MRTFB: variants seen among roughly 807,000 people sequenced by gnomAD.
MRTFB encodes myocardin related transcription factor B, also known as myocardin-related transcription factor B.
In MRTFB, 29 loss-of-function variants were observed where a neutral mutation model predicts 104.2. The observed-to-expected ratio is 0.28, with a 90% CI of 0.21 to 0.38. The LOEUF (loss-of-function observed/expected upper bound fraction) is 0.38. MRTFB is among the 10% of genes least tolerant of loss of function. MRTFB has a pLI of 1.00. For synonymous variants in MRTFB, 535 were observed against 519.5 expected (o/e 1.03, Z -0.41); for missense variants, 1,270 against 1,341.6 (o/e 0.95, Z 0.83).
chr16:14,214,536 A>G (rs528813616), intron 6 of MRTFB, among the ~76,000 whole-genome samples: 23 of 152,206 alleles, frequency 1.5e-4, no homozygotes, highest in Non-Finnish European at 2.8e-4. Context: ...CAGAAATGAA[A>G]TCTTCAGGAG....
At chr16:14,027,613 T>C in the MRTFB span, among the ~76,000 whole-genome samples, 62,555 of 152,042 alleles carry the variant, frequency 0.41, 13,692 homozygotes, top group Admixed American at 0.51. Flanking sequence ...TTTTGAAAAG[T>C]GACTGTGATT....
intron 2 of MRTFB, among the ~76,000 whole-genome samples, chr16:14,127,929 A>ATTTTTTTTT (rs67001306): frequency 1.3e-4 from 6 of 44,636 alleles, no homozygotes; most frequent in Admixed American, 3.2e-4. Flanking sequence ...ATATATATAT[A>ATTTTTTTTT]TTTTTTTTTT....
intron 3 of MRTFB, among the ~76,000 whole-genome samples, chr16:14,197,264 G>T (rs1038419452): frequency 6.6e-6 from 1 of 152,092 alleles, no homozygotes; most frequent in African/African-American, 2.4e-5. Context: ...GTGAGCCATC[G>T]TGCCTGGCCA....
chr16:14,068,875 T>C (rs1005218309), upstream of MRTFB, among the ~76,000 whole-genome samples: 12 of 151,174 alleles, frequency 7.9e-5, no homozygotes, highest in Admixed American at 6.6e-5. Context: ...GATAGAACAG[T>C]AGAAGAAAGA....
At chr16:14,002,190 C>T in the MRTFB span, among the ~76,000 whole-genome samples, 1 of 152,230 alleles carries the variant, frequency 6.6e-6, no homozygotes, top group African/African-American at 2.4e-5. Context: ...CAAGACCAGC[C>T]TGGCCAACAT....
intron 8 of MRTFB, among the ~76,000 whole-genome samples, chr16:14,229,426 C>T (rs1331128463): frequency 1.3e-5 from 2 of 152,144 alleles, no homozygotes; most frequent in Admixed American, 1.3e-4. Context: ...TAGTTAAGAA[C>T]TCTGCTGCAT....
Position 14,248,576 on chromosome 16 carries a change from G to A in MRTFB, c.2248-350G>A, listed in dbSNP as rs113694347. The A allele has an allele frequency of 6.2e-4, 111 of 177,878 alleles. 1 individual carries two copies. Among genetic ancestry groups the A allele is most frequent in the African/African-American group, 2.5e-3 (104 of 41,992 alleles). The allele number at this position is 177,878 out of a possible 1,614,324, so 11.0% of individuals were successfully genotyped here. A position where few individuals can be genotyped will look rare whatever the true frequency, so the allele number is the denominator to read the frequency against. ...TTGCAAGCAGCAATTGGGACAGTTA[G>A]GTCTCACGAGTTGCCTTGCTGTTAT... On this transcript the variant is annotated intron_variant, in intron 12 of 16. Transcript: ENST00000571589.
chr16:14,040,353 A>C, the MRTFB span, among the ~76,000 whole-genome samples: 2 of 152,190 alleles, frequency 1.3e-5, no homozygotes, highest in Non-Finnish European at 2.9e-5. Context: ...TATAGAATAC[A>C]TGTATTTTAT....
intron 2 of MRTFB, among the ~76,000 whole-genome samples, chr16:14,108,076 TA>T (rs1327807567): frequency 6.6e-6 from 1 of 152,138 alleles, no homozygotes; most frequent in Non-Finnish European, 1.5e-5. Context: ...GGTTGGTGCT[TA>T]GAGTAAATTG....
At chr16:14,190,739 G>T (rs1288224943) in intron 3 of MRTFB, among the ~76,000 whole-genome samples, 1 of 152,152 alleles carries the variant, frequency 6.6e-6, no homozygotes, top group Non-Finnish European at 1.5e-5. Flanking sequence ...TGCTCAAAAC[G>T]CAGTCCAGTG....
chr16:14,078,701 A>C (rs2034215526), intron 1 of MRTFB, among the ~76,000 whole-genome samples: 2 of 152,020 alleles, frequency 1.3e-5, no homozygotes, highest in South Asian at 4.2e-4. Flanking sequence ...AAGCCCGGGA[A>C]TTACTGGTGT....
At chr16:13,995,350 C>T in the MRTFB span, among the ~76,000 whole-genome samples, 1 of 152,078 alleles carries the variant, frequency 6.6e-6, no homozygotes, top group East Asian at 1.9e-4. Flanking sequence ...AGCCATGACC[C>T]ACTTAAACTT....
chr16:14,060,123 C>T, the MRTFB span, among the ~76,000 whole-genome samples: 43 of 150,280 alleles, frequency 2.9e-4, no homozygotes, highest in Admixed American at 1.8e-3. Flanking sequence ...TCTCATGCCT[C>T]GGCTTCCAGA....
chr16:14,230,829 C>T (rs377560223), intron 8 of MRTFB, among the ~76,000 whole-genome samples: 9,507 of 151,754 alleles, frequency 0.063, 1,019 homozygotes, highest in African/African-American at 0.22. Flanking sequence ...AAGACACATG[C>T]ACACGTATGT....
At chr16:14,157,765 T>A (rs2038880815) in intron 3 of MRTFB, among the ~76,000 whole-genome samples, 1 of 152,322 alleles carries the variant, frequency 6.6e-6, no homozygotes, top group East Asian at 1.9e-4. Flanking sequence ...CAGATACTGA[T>A]ACTGATACTA....
intron 3 of MRTFB, among the ~76,000 whole-genome samples, chr16:14,149,911 G>A (rs537012094): frequency 1.2e-3 from 181 of 152,284 alleles, no homozygotes; most frequent in African/African-American, 4.0e-3. Flanking sequence ...CTAAATGTGT[G>A]GTGGCAGGCC....
the MRTFB span, among the ~76,000 whole-genome samples, chr16:14,062,718 A>G: frequency 6.6e-6 from 1 of 152,210 alleles, no homozygotes; most frequent in Admixed American, 6.5e-5. Flanking sequence ...GGAGGGCCAG[A>G]GAAAAGAACT....
chr16:14,226,392 A>C (rs2042002809), intron 8 of MRTFB, among the ~76,000 whole-genome samples: 1 of 152,210 alleles, frequency 6.6e-6, no homozygotes, highest in South Asian at 2.1e-4. Context: ...TATGGGATCA[A>C]ATGATCTTCA....
the MRTFB span, among the ~76,000 whole-genome samples, chr16:14,065,476 C>T: frequency 3.3e-5 from 5 of 152,126 alleles, no homozygotes; most frequent in African/African-American, 1.2e-4. Flanking sequence ...GATTGCTTGG[C>T]CAGGACTTCC....
Sources: allele counts gnomAD v4.1 joint callset (sites outside exome capture counted in the v4.1 genomes callset), GRCh38; gene constraint gnomAD v4.1.1; transcripts MANE v1.5; gene names NCBI Gene and HGNC (gene_info 2026-07-23, HGNC 2026-07-21).